The following GALNT10 variants were observed in gnomAD, a reference collection of about 807,000 sequenced individuals.
GALNT10 encodes the protein GalNAc transferase 10.
In GALNT10, 41 loss-of-function variants were observed where a neutral mutation model predicts 75.0. The ratio of observed to expected loss-of-function variants is 0.55; its 90% CI spans 0.43 to 0.71. GALNT10 has a LOEUF of 0.71. Among genes scored for constraint, GALNT10 ranks in the 30% least tolerant of loss-of-function variants. GALNT10 has a pLI of 0.00. For missense variants in GALNT10, 727 were observed against 818.5 expected, an observed-to-expected ratio of 0.89 and a Z score of 1.36; for synonymous variants, 302 against 313.0, an observed-to-expected ratio of 0.96 and a Z score of 0.37.
intron 9 of GALNT10, among the ~76,000 whole-genome samples, chr5:154,410,546 G>A (rs1015070771): frequency 1.3e-5 from 2 of 152,140 alleles, no homozygotes; most frequent in African/African-American, 4.8e-5. Context: ...GCAAGACCCT[G>A]CCTCGAAAAA....
intron 4 of GALNT10, among the ~76,000 whole-genome samples, chr5:154,369,916 T>C (rs1755540744): frequency 6.6e-6 from 1 of 152,228 alleles, no homozygotes; most frequent in Non-Finnish European, 1.5e-5. Context: ...CCAGATGCTC[T>C]GCGTCCTGCC....
intron 3 of GALNT10, among the ~76,000 whole-genome samples, chr5:154,316,388 C>A (rs17629792): frequency 0.42 from 63,930 of 152,086 alleles, 15,652 homozygotes; most frequent in East Asian, 0.62. Flanking sequence ...ACTTGGAAAA[C>A]AGAAGGGTTG....
chr5:154,299,211 C>T (rs1415764171), intron 3 of GALNT10, among the ~76,000 whole-genome samples: 1 of 152,226 alleles, frequency 6.6e-6, no homozygotes, highest in Admixed American at 6.5e-5. Flanking sequence ...CCTGCAGATT[C>T]TTGGGCCCCA....
intron 1 of GALNT10, among the ~76,000 whole-genome samples, chr5:154,248,862 G>A (rs1753472151): frequency 6.6e-6 from 1 of 152,220 alleles, no homozygotes; most frequent in South Asian, 2.1e-4. Flanking sequence ...GTCATATAGA[G>A]GAGTCAGAGC....
intron 4 of GALNT10, among the ~76,000 whole-genome samples, chr5:154,375,211 T>C (rs918826453): frequency 1.3e-5 from 2 of 152,222 alleles, no homozygotes; most frequent in Non-Finnish European, 2.9e-5. Context: ...CCAGTTACAC[T>C]GGCTAGGAAT....
chr5:154,228,239 G>T (rs1753092934), intron 1 of GALNT10, among the ~76,000 whole-genome samples: 2 of 152,160 alleles, frequency 1.3e-5, no homozygotes, highest in South Asian at 4.1e-4. Context: ...AGCAATGCAA[G>T]AATGGCCTAC....
intron 1 of GALNT10, among the ~76,000 whole-genome samples, chr5:154,278,437 C>T (rs182122868): frequency 1.1e-4 from 16 of 152,008 alleles, no homozygotes; most frequent in Admixed American, 6.5e-4. Context: ...CTTCAAAGAG[C>T]CTTTAATATG....
intron 1 of GALNT10, among the ~76,000 whole-genome samples, chr5:154,211,231 G>T (rs1443828880): frequency 6.6e-6 from 1 of 152,208 alleles, no homozygotes; most frequent in Non-Finnish European, 1.5e-5. Context: ...GTGGTTGGAG[G>T]GTGGCCCTGG....
intron 3 of GALNT10, among the ~76,000 whole-genome samples, chr5:154,308,044 G>C (rs1267574471): frequency 8.6e-6 from 1 of 116,402 alleles, no homozygotes; most frequent in Non-Finnish European, 1.9e-5. Flanking sequence ...TTTCTATCTG[G>C]TATCTTTTTT....
chr5:154,257,428 T>G lies in GALNT10; in HGVS notation c.160-37388T>G, dbSNP rs1753631172. Among the ~76,000 whole-genome samples the G allele has an allele frequency of 3.3e-5, 5 of 152,326 alleles. No homozygotes were observed. In the South Asian group the frequency reaches 1.0e-3, roughly 32 times the overall value. On this transcript the variant is annotated intron_variant, in intron 1 of 11. Coordinates refer to ENST00000297107, the MANE Select transcript of GALNT10 (RefSeq NM_198321.4). ...CTCTGCCTTCCTGTGTTTTCCATTT[T>G]TAAACGACATTTGTCTTAGGACTCT... is the stretch of plus-strand genomic sequence containing the variant.
intron 3 of GALNT10, among the ~76,000 whole-genome samples, chr5:154,308,672 T>C (rs1434691916): frequency 6.6e-6 from 1 of 152,164 alleles, no homozygotes; most frequent in African/African-American, 2.4e-5. Context: ...ACGGTAACTG[T>C]GTGTTTGTTA....
Position 154,352,242 on chromosome 5 carries a change from C to A in GALNT10, c.568+22504C>A, listed in dbSNP as rs73283337. On this transcript the variant is annotated intron_variant, in intron 4 of 11. Coordinates refer to ENST00000297107, the MANE Select transcript of GALNT10 (RefSeq NM_198321.4). This position sits in a 1 kb window ranked among gnomAD's most constrained non-coding sequence, Gnocchi z 4.4. The stretch of plus-strand genomic sequence containing the variant: ...CAGGGCTCACAAGGGAAGGCTCCCT[C>A]AGCCACCCCCGGCTCCAGCTACTCT... Among the ~76,000 whole-genome samples, 5,463 of 152,324 alleles carry A rather than the reference C, an allele frequency of 0.036. 314 individuals are homozygous for A. The highest frequency in any genetic ancestry group is 0.12 in the African/African-American group (5,080 of 41,566).
chr5:154,246,234 G>A (rs1753421661), intron 1 of GALNT10, among the ~76,000 whole-genome samples: 1 of 152,134 alleles, frequency 6.6e-6, no homozygotes, highest in Non-Finnish European at 1.5e-5. Context: ...TTGGTTCCAA[G>A]TCTTTGCTAT....
chr5:154,248,136 C>G (rs987237969), intron 1 of GALNT10, among the ~76,000 whole-genome samples: 4 of 152,208 alleles, frequency 2.6e-5, no homozygotes, highest in Admixed American at 6.5e-5. Flanking sequence ...CTATGTTGAA[C>G]CAGCCTTGCA....
At chr5:154,230,221 T>C (rs1368443431) in intron 1 of GALNT10, among the ~76,000 whole-genome samples, 1 of 152,212 alleles carries the variant, frequency 6.6e-6, no homozygotes, top group African/African-American at 2.4e-5. Flanking sequence ...AGGTACCTTA[T>C]GTGATGCTCA....
chr5:154,194,205 T>C (rs114297065), intron 1 of GALNT10, among the ~76,000 whole-genome samples: 4,671 of 152,364 alleles, frequency 0.031, 115 homozygotes, highest in Middle Eastern at 0.13. Flanking sequence ...GGTGGAATAA[T>C]GGAATACCGG....
chr5:154,356,011 C>T (rs1561670327), intron 4 of GALNT10: 1 of 412,392 alleles, frequency 2.4e-6, no homozygotes, highest in Non-Finnish European at 4.8e-6. Context: ...ACATTTGGCT[C>T]CATGACAGAG....
chr5:154,341,708 C>T (rs998481371), intron 4 of GALNT10, among the ~76,000 whole-genome samples: 6 of 152,122 alleles, frequency 3.9e-5, no homozygotes, highest in Non-Finnish European at 5.9e-5. Context: ...TGTTGCCATA[C>T]GACAGAACTT....
chr5:154,322,144 C>T (rs1243757991), intron 3 of GALNT10, among the ~76,000 whole-genome samples: 1 of 152,136 alleles, frequency 6.6e-6, no homozygotes, highest in Non-Finnish European at 1.5e-5. Flanking sequence ...ATGCGTGGGT[C>T]TCACCAGGCT....
Sources: allele counts gnomAD v4.1 joint callset (sites outside exome capture counted in the v4.1 genomes callset), GRCh38; gene constraint gnomAD v4.1.1; non-coding constraint Gnocchi (gnomAD v3.1); transcripts MANE v1.5; gene names NCBI Gene and HGNC (gene_info 2026-07-23, HGNC 2026-07-21).